JMY: variants seen among roughly 807,000 people sequenced by gnomAD.
JMY encodes the protein junction-mediating and -regulatory protein.
Under a neutral mutation model 103.3 loss-of-function variants are expected in JMY, and 46 were observed. The observed-to-expected ratio is 0.45, with a 90% CI of 0.35 to 0.57. JMY has a LOEUF of 0.57. Ranked by LOEUF, JMY falls within the 20% of genes least tolerant of loss-of-function variation. The probability of loss-of-function intolerance (pLI) is 0.00; values close to 1 mark genes in which losing one functional copy is unlikely to be tolerated. For missense variants in JMY, 1,238 were observed against 1,255.2 expected, an observed-to-expected ratio of 0.99 and a Z score of 0.21; for synonymous variants, 526 against 489.3, an observed-to-expected ratio of 1.07 and a Z score of -0.99.
At chr5:79,241,007 T>G (rs1744723502) in intron 1 of JMY, among the ~76,000 whole-genome samples, 1 of 152,234 alleles carries the variant, frequency 6.6e-6, no homozygotes, top group Admixed American at 6.5e-5. Context: ...GAATGCTTAG[T>G]CCTTTGGTCA....
chr5:79,259,895 C>T (rs1156345358), intron 1 of JMY, among the ~76,000 whole-genome samples: 1 of 152,192 alleles, frequency 6.6e-6, no homozygotes, highest in East Asian at 1.9e-4. Context: ...CTGTAGCCAC[C>T]CCTGGGAGGG....
In JMY at chr5:79,300,125, A is replaced by C. The variant is rs781362765; in HGVS notation, c.1528-28A>C. The C allele has an allele frequency of 3.7e-6, 6 of 1,608,840 alleles. No individual in the cohort carries two copies. The South Asian group carries it at 5.5e-5, about 15-fold the overall frequency. On this transcript the variant is annotated intron_variant, in intron 4 of 10. Coordinates refer to ENST00000396137, the MANE Select transcript of JMY (RefSeq NM_152405.5). ...AATTTTCTTGTCCCCACCAGCTAGA[A>C]ATTTTTTAATTTGTATTTTCAATGC...
chr5:79,270,721 AATAT>A (rs1745758563), intron 1 of JMY, among the ~76,000 whole-genome samples: 2 of 146,876 alleles, frequency 1.4e-5, no homozygotes, highest in African/African-American at 2.5e-5. Flanking sequence ...TATTATTATA[AATAT>A]ATATACACCA....
chr5:79,316,081 C>T lies in JMY; in HGVS notation c.2741C>T (p.Pro914Leu). The T allele has an allele frequency of 5.0e-6, 8 of 1,614,110 alleles. No homozygotes were observed. The highest frequency in any genetic ancestry group is 6.8e-6 in the Non-Finnish European group (8 of 1,179,968). The part of the protein sequence containing the change: ...HLKKVEQRTL[P>L]PFPDEDDSNN... Reference sequence around the variant, plus strand: ...AAAAAGGTTGAACAGCGAACTCTGCCTCCTTTTCCTGATGAAGATGATAGT... The same window carrying T: ...AAAAAGGTTGAACAGCGAACTCTGCTTCCTTTTCCTGATGAAGATGATAGT... The change falls in exon 10 of 11, where the codon CCT (proline) becomes CTT (leucine). Residue 914 changes from proline (P) to leucine (L), a missense_variant. By Grantham distance (98) the Pro-to-Leu change is moderately conservative. Coordinates refer to ENST00000396137, the MANE Select transcript of JMY (RefSeq NM_152405.5).
At chr5:79,312,663 T>C (rs1327665469) in intron 8 of JMY, among the ~76,000 whole-genome samples, 165 bp downstream of exon 8, 1 of 152,122 alleles carries the variant, frequency 6.6e-6, no homozygotes, top group African/African-American at 2.4e-5. Context: ...ATGGCATGGC[T>C]CCATTTCCTC....
chr5:79,326,624 A>C lies in JMY; in HGVS notation c.*5022A>C, dbSNP rs1158067319. On this transcript the variant is annotated 3_prime_UTR_variant, in exon 11 of 11. Coordinates refer to ENST00000396137, the MANE Select transcript of JMY (RefSeq NM_152405.5). ...AACTATAATATGTAGTTAATGAAAA[A>C]TGGAAGGCTGCAGATTATTTTGCAT... 2.0e-5 allele frequency: 3 copies of C among 152,314 alleles called. No homozygotes were observed. The South Asian group carries it at 6.2e-4, about 32-fold the overall frequency. The allele number at this position is 152,314 out of a possible 1,614,324, so 9.4% of individuals were successfully genotyped here.
chr5:79,291,658 T>C (rs1746427815), intron 4 of JMY, among the ~76,000 whole-genome samples: 1 of 152,216 alleles, frequency 6.6e-6, no homozygotes, highest in African/African-American at 2.4e-5. Flanking sequence ...CAGTGGCATT[T>C]TGTTAGGATT....
At chr5:79,296,054 C>T (rs1051777631) in intron 4 of JMY, among the ~76,000 whole-genome samples, 57 of 151,998 alleles carry the variant, frequency 3.8e-4, no homozygotes, top group Non-Finnish European at 4.9e-4. Flanking sequence ...ATCTGAATTC[C>T]CTGAAGACAG....
chr5:79,314,719 A>G lies in JMY; in HGVS notation c.2527A>G (p.Arg843Gly), dbSNP rs1367464425. 2 of 1,598,936 alleles carry G rather than the reference A, an allele frequency of 1.3e-6. No individual in the cohort carries two copies. The highest frequency in any genetic ancestry group is 1.1e-5 in the South Asian group (1 of 90,476). The change falls in exon 9 of 11, where the codon AGA becomes GGA. Residue 843 changes from arginine to glycine, a missense_variant. By Grantham distance (125) the Arg-to-Gly change is moderately radical (BLOSUM62 -2). Transcript: ENST00000396137. ...AGAGACACTGGAGAAAGATCTGCCT[A>G]GAAAGGAGGGGAATGAGAAGAGGAT... ...GPETLEKDLP[R>G]KEGNEKRIPK...
chr5:79,249,568 G>A (rs1010260067), intron 1 of JMY, among the ~76,000 whole-genome samples: 11 of 151,976 alleles, frequency 7.2e-5, no homozygotes, highest in African/African-American at 2.7e-4. Context: ...TCTATTTCTT[G>A]GTAGAAATTA....
intron 1 of JMY, among the ~76,000 whole-genome samples, chr5:79,258,093 A>G (rs1745301811): frequency 6.6e-6 from 1 of 152,092 alleles, no homozygotes; most frequent in Admixed American, 6.6e-5. Context: ...ATGTATGTAC[A>G]GAGTGTGTAT....
chr5:79,282,182 G>T (rs779004325), intron 2 of JMY, among the ~76,000 whole-genome samples: 6 of 152,176 alleles, frequency 3.9e-5, no homozygotes, highest in Admixed American at 2.0e-4. Context: ...ATTCCAACCT[G>T]GGTGACAGAG....
At chr5:79,318,172 T>TTC (rs1747301477) in intron 10 of JMY, among the ~76,000 whole-genome samples, 1 of 100,066 alleles carries the variant, frequency 1.0e-5, no homozygotes, top group Non-Finnish European at 2.4e-5. Flanking sequence ...CGGCTCTTTT[T>TTC]TCTTTTTTTT....
intron 1 of JMY, among the ~76,000 whole-genome samples, chr5:79,273,624 T>A (rs1745847810): frequency 6.6e-6 from 1 of 152,214 alleles, no homozygotes; most frequent in South Asian, 2.1e-4. Flanking sequence ...CCTCTGGAAC[T>A]TCAGTTCAAT....
chr5:79,250,389 G>T (rs1229562032), intron 1 of JMY, among the ~76,000 whole-genome samples: 2 of 152,098 alleles, frequency 1.3e-5, no homozygotes, highest in African/African-American at 4.8e-5. Flanking sequence ...AGTTAAAACG[G>T]TGATTCTAGT....
chr5:79,247,027 A>G (rs930945497), intron 1 of JMY, among the ~76,000 whole-genome samples: 3 of 152,246 alleles, frequency 2.0e-5, no homozygotes, highest in Non-Finnish European at 2.9e-5. Flanking sequence ...AAATTTGCCT[A>G]CATAACGTAT....
chr5:79,326,025 T>G lies in JMY; in HGVS notation c.*4423T>G, dbSNP rs1207884877. On this transcript the variant is annotated 3_prime_UTR_variant, in exon 11 of 11. Coordinates refer to ENST00000396137, the MANE Select transcript of JMY (RefSeq NM_152405.5). ...GGATTTAATTGATTGAATTCCAAAT[T>G]TATACTGTCTCTTCCCTTCTGCAGA... The G allele has an allele frequency of 6.6e-6, 1 of 152,180 alleles. No individual in the cohort carries two copies. The highest frequency in any genetic ancestry group is 2.4e-5 in the African/African-American group (1 of 41,460). The allele number at this position is 152,180 out of a possible 1,614,324, so 9.4% of individuals were successfully genotyped here.
Position 79,318,648 on chromosome 5 carries a change from G to A in JMY, c.*3+2338G>A, listed in dbSNP as rs148915228. On this transcript the variant is annotated intron_variant, in intron 10 of 10. Coordinates refer to ENST00000396137, the MANE Select transcript of JMY (RefSeq NM_152405.5). ...TTTCCTATTATGTATACAGTTACAT[G>A]TAACAGTCACTTTGTATGACTTATG... Among the ~76,000 whole-genome samples, 23 of 151,930 alleles carry A rather than the reference G, an allele frequency of 1.5e-4. No individual in the cohort carries two copies. The East Asian group carries it at 4.5e-3, about 29-fold the overall frequency.
chr5:79,274,114 C>T (rs1205010645), intron 1 of JMY, among the ~76,000 whole-genome samples: 1 of 146,148 alleles, frequency 6.8e-6, no homozygotes, highest in Non-Finnish European at 1.5e-5. Context: ...CAGGAGTGAA[C>T]CACCACACCC....
Sources: gnomAD v4.1 joint callset for allele counts (sites outside exome capture counted in the v4.1 genomes callset) on GRCh38, gnomAD v4.1.1 for gene constraint, MANE v1.5 for transcripts, NCBI Gene and HGNC (gene_info 2026-07-23, HGNC 2026-07-21) for gene names.